DPP6: variants seen among roughly 807,000 people sequenced by gnomAD.
DPP6 encodes dipeptidyl peptidase like 6.
Under a neutral mutation model 122.6 loss-of-function variants are expected in DPP6, and 69 were observed. The observed-to-expected ratio is 0.56, with a 90% confidence interval of 0.46 to 0.69. The LOEUF (loss-of-function observed/expected upper bound fraction) is 0.69. Among genes scored for constraint, DPP6 ranks in the 30% least tolerant of loss-of-function variants. DPP6 has a pLI of 0.00. For synonymous variants in DPP6, 418 were observed against 433.1 expected (o/e 0.97, Z 0.43); for missense variants, 928 against 1,116.9 (o/e 0.83, Z 2.41).
intron 1 of DPP6, among the ~76,000 whole-genome samples, chr7:154,072,315 T>A: frequency 6.6e-6 from 1 of 152,238 alleles, no homozygotes; most frequent in Non-Finnish European, 1.5e-5. Context: ...TTAGTTTATA[T>A]GTTTGTATCA....
At chr7:154,794,015 G>A in intron 10 of DPP6, 64 bp from the exon 11 acceptor site, 1 of 1,568,936 alleles carries the variant, frequency 6.4e-7, no homozygotes, top group Admixed American at 1.7e-5. Flanking sequence ...GGGGTCGGCG[G>A]TCCCCTGGCT....
At chr7:153,824,883 G>A in the DPP6 span, among the ~76,000 whole-genome samples, 1 of 151,918 alleles carries the variant, frequency 6.6e-6, no homozygotes, top group African/African-American at 2.4e-5. Flanking sequence ...CTAAGGACTA[G>A]TATCTACACC....
At chr7:154,070,798 TC>T (rs1197104793) in intron 1 of DPP6, among the ~76,000 whole-genome samples, 1 of 152,098 alleles carries the variant, frequency 6.6e-6, no homozygotes, top group Non-Finnish European at 1.5e-5. Context: ...CTCAAACCAT[TC>T]CCAATAAGTG....
rs147639269 is a variant in DPP6 at position 154,472,171 on chromosome 7, T to C, written c.359-2768T>C. On this transcript the variant is annotated intron_variant, in intron 2 of 25. Transcript: ENST00000377770. ...TCCTGATGTGAAGAAAAATAGTCTT[T>C]AAGCTGAAAATATTACTGACTGTTA... 2.6e-5 allele frequency among the ~76,000 whole-genome samples: 4 copies of C among 152,326 alleles called. No individual in the cohort carries two copies. In the East Asian group the frequency reaches 7.7e-4, roughly 29 times the overall value.
At chr7:154,705,161 C>G (rs923658462) in intron 7 of DPP6, among the ~76,000 whole-genome samples, 1 of 152,174 alleles carries the variant, frequency 6.6e-6, no homozygotes, top group Non-Finnish European at 1.5e-5. Flanking sequence ...AATATTGTAA[C>G]TGTAGCCAAA....
At chr7:153,980,726 C>T (rs1796540301) in intron 1 of DPP6, among the ~76,000 whole-genome samples, 1 of 152,144 alleles carries the variant, frequency 6.6e-6, no homozygotes, top group Non-Finnish European at 1.5e-5. Context: ...AGCTTTGTCC[C>T]AGGGATTCTG....
At chr7:154,547,983 C>A (rs1011684135) in intron 4 of DPP6, among the ~76,000 whole-genome samples, 1 of 151,870 alleles carries the variant, frequency 6.6e-6, no homozygotes. Context: ...CCGAGGCGGG[C>A]AGATCACTTG....
chr7:153,762,689 G>A, the DPP6 span, among the ~76,000 whole-genome samples: 444 of 152,154 alleles, frequency 2.9e-3, 2 homozygotes, highest in South Asian at 0.013. Flanking sequence ...CTGAGGCAAG[G>A]GAATCGCTTG....
In DPP6 at chr7:154,882,526, G is replaced by A. The variant is rs75700237; in HGVS notation, c.2133+1584G>A. Among the ~76,000 whole-genome samples the A allele has an allele frequency of 5.8e-3, 878 of 152,212 alleles. 10 individuals are homozygous for A. The highest frequency in any genetic ancestry group is 0.02 in the African/African-American group (816 of 41,516). On this transcript the variant is annotated intron_variant, in intron 21 of 25. Transcript: ENST00000377770. Reference sequence around the variant, plus strand: ...TCCATTCTGTTTCCTCCTCGCATGTGCCCCAGTGATCTGGCTGCAGCCTTT... The same window carrying A: ...TCCATTCTGTTTCCTCCTCGCATGTACCCCAGTGATCTGGCTGCAGCCTTT...
intron 1 of DPP6, among the ~76,000 whole-genome samples, chr7:154,203,363 A>C (rs936075684): frequency 1.3e-5 from 2 of 152,170 alleles, no homozygotes; most frequent in East Asian, 3.9e-4. Flanking sequence ...TATCCTCTAC[A>C]TGCCACAGGC....
intron 1 of DPP6, among the ~76,000 whole-genome samples, chr7:154,198,783 G>C (rs915784171): frequency 1.3e-5 from 2 of 152,170 alleles, no homozygotes; most frequent in African/African-American, 4.8e-5. Flanking sequence ...TCTCTCCTCT[G>C]TTTTGTAAAT....
At chr7:154,273,952 G>A (rs1803965519) in intron 1 of DPP6, among the ~76,000 whole-genome samples, 1 of 152,184 alleles carries the variant, frequency 6.6e-6, no homozygotes, top group East Asian at 1.9e-4. Flanking sequence ...TGTATCAAAT[G>A]CGTGTCCCTG....
intron 1 of DPP6, among the ~76,000 whole-genome samples, chr7:153,953,476 A>G (rs1802314126): frequency 6.6e-6 from 1 of 152,168 alleles, no homozygotes; most frequent in African/African-American, 2.4e-5. Context: ...TGTGGAATTC[A>G]TGCACAGATT....
intron 1 of DPP6, among the ~76,000 whole-genome samples, chr7:154,124,992 G>GGT (rs938329234): frequency 1.3e-5 from 2 of 152,246 alleles, no homozygotes; most frequent in East Asian, 1.9e-4. Context: ...AGGGGGCTGA[G>GGT]GTGTGTGTGT....
intron 22 of DPP6, 53 bp downstream of exon 22, chr7:154,885,797 C>G: frequency 1.4e-5 from 22 of 1,546,600 alleles, no homozygotes; most frequent in Non-Finnish European, 1.9e-5. Context: ...CCCGCCCCGC[C>G]CCCTGCCTGC....
intron 3 of DPP6, among the ~76,000 whole-genome samples, chr7:154,535,396 T>TA (rs995340227): frequency 1.5e-4 from 23 of 151,854 alleles, no homozygotes; most frequent in South Asian, 2.1e-4. Flanking sequence ...ATTTTTTTTT[T>TA]TTATTATTAT....
At chr7:154,361,458 T>C (rs1811714277) in intron 1 of DPP6, among the ~76,000 whole-genome samples, 1 of 152,196 alleles carries the variant, frequency 6.6e-6, no homozygotes, top group Admixed American at 6.5e-5. Context: ...GTCTTTTGTT[T>C]ACATTAGAAA....
intron 1 of DPP6, among the ~76,000 whole-genome samples, chr7:154,287,442 T>C (rs564659840): frequency 1.2e-3 from 176 of 152,348 alleles, no homozygotes; most frequent in African/African-American, 3.3e-3. Context: ...TCTCCCAAGG[T>C]AACAGTCCCT....
chr7:154,476,688 G>A (rs949930124), intron 3 of DPP6, among the ~76,000 whole-genome samples: 14 of 152,214 alleles, frequency 9.2e-5, no homozygotes, highest in African/African-American at 3.4e-4. Flanking sequence ...CTGGAAGAAT[G>A]TTAGGTCTAG....
Sources: allele counts gnomAD v4.1 joint callset (sites outside exome capture counted in the v4.1 genomes callset), GRCh38; gene constraint gnomAD v4.1.1; transcripts MANE v1.5; gene names NCBI Gene and HGNC (gene_info 2026-07-23, HGNC 2026-07-21).